MAPRE2: variants seen among roughly 807,000 people sequenced by gnomAD.
MAPRE2 encodes the protein microtubule-associated protein RP/EB family member 2.
Under a neutral mutation model 43.2 loss-of-function variants are expected in MAPRE2, and 13 were observed. The observed-to-expected ratio is 0.30, with a 90% CI of 0.20 to 0.48. MAPRE2 has a LOEUF of 0.48. Among genes scored for constraint, MAPRE2 ranks in the 20% least tolerant of loss-of-function variants. MAPRE2 has a pLI of 0.99. For synonymous variants in MAPRE2, 135 were observed against 148.8 expected (o/e 0.91, Z 0.68); for missense variants, 161 against 400.2 (o/e 0.40, Z 5.10).
intron 1 of MAPRE2, among the ~76,000 whole-genome samples, chr18:35,060,861 C>T (rs1448712935): frequency 6.6e-6 from 1 of 152,128 alleles, no homozygotes; most frequent in Non-Finnish European, 1.5e-5. Context: ...TTCAAGGTGA[C>T]TTACGGAATG....
upstream of MAPRE2, among the ~76,000 whole-genome samples, chr18:35,038,703 C>T (rs113875473): frequency 3.3e-4 from 50 of 152,336 alleles, no homozygotes; most frequent in African/African-American, 1.2e-3. Flanking sequence ...ATTTGCCCTC[C>T]CTTTTCCCTA....
At chr18:35,015,892 T>C (rs1156678864) in intron 2 of MAPRE2, among the ~76,000 whole-genome samples, 1 of 152,010 alleles carries the variant, frequency 6.6e-6, no homozygotes, top group African/African-American at 2.4e-5. Context: ...GTTTTGGGTA[T>C]AACTGATCCT....
rs115238025 is a variant in MAPRE2, at chr18:35,129,494, C to A, written c.750+2407C>A. On this transcript the variant is annotated intron_variant, in intron 5 of 6. Coordinates refer to ENST00000300249, the MANE Select transcript of MAPRE2 (RefSeq NM_014268.4). The stretch of plus-strand genomic sequence containing the variant: ...TCAGGCAATTTCCCATGATGCACTA[C>A]AGAAGTACCACTATGCTAGACCATT... Among the ~76,000 whole-genome samples, 1,323 of 152,294 alleles carry A rather than the reference C, an allele frequency of 8.7e-3. 18 individuals are homozygous for A. The highest frequency in any genetic ancestry group is 0.03 in the African/African-American group (1,261 of 41,544).
intron 2 of MAPRE2, among the ~76,000 whole-genome samples, chr18:35,094,767 A>G (rs749029883): frequency 2.0e-4 from 30 of 152,182 alleles, no homozygotes; most frequent in Non-Finnish European, 4.3e-4. Flanking sequence ...TGTCACAAGA[A>G]TAGGATGGCA....
rs554377407 is a variant in MAPRE2, at chr18:35,071,247, G to A, written c.250+925G>A. ...AACGTGCTGCTAGGCCAGGTGTGGT[G>A]ACTTACGCCTGTAATCCTAGCACTT... On this transcript the variant is annotated intron_variant, in intron 2 of 6. Coordinates refer to ENST00000300249, the MANE Select transcript of MAPRE2 (RefSeq NM_014268.4). Among the ~76,000 whole-genome samples, 4 of 152,254 alleles carry A rather than the reference G, an allele frequency of 2.6e-5. No individual in the cohort carries two copies. The South Asian group carries it at 6.2e-4, about 24-fold the overall frequency.
intron 2 of MAPRE2, among the ~76,000 whole-genome samples, chr18:35,093,410 G>C (rs191054006): frequency 6.6e-6 from 1 of 151,952 alleles, no homozygotes; most frequent in African/African-American, 2.4e-5. Flanking sequence ...GCAATCCCAC[G>C]ACTGGATATA....
intron 6 of MAPRE2, among the ~76,000 whole-genome samples, chr18:35,139,567 A>G (rs952062147): frequency 2.0e-5 from 3 of 152,224 alleles, no homozygotes; most frequent in Non-Finnish European, 2.9e-5. Context: ...GTTGATAAAC[A>G]TAACGTAAGC....
At chr18:35,041,359 C>G (rs922513411), upstream of MAPRE2, 2 of 1,448,968 alleles carry the variant, frequency 1.4e-6, no homozygotes, top group East Asian at 2.5e-5. Context: ...GGCGCTCTGA[C>G]GTCAGCTGCC....
At chr18:34,998,827 CA>C (rs1197597112) in intron 1 of MAPRE2, among the ~76,000 whole-genome samples, 2 of 135,430 alleles carry the variant, frequency 1.5e-5, no homozygotes, top group Non-Finnish European at 3.0e-5. Flanking sequence ...CGGACTTGGC[CA>C]AAAATGTTAA....
chr18:35,045,224 C>T (rs1440347888), intron 1 of MAPRE2, among the ~76,000 whole-genome samples: 1 of 152,196 alleles, frequency 6.6e-6, no homozygotes, highest in Non-Finnish European at 1.5e-5. Context: ...ATTCACAGAG[C>T]GAATGAGTCG....
At chr18:35,091,689 C>T (rs1908156839) in intron 2 of MAPRE2, among the ~76,000 whole-genome samples, 1 of 151,336 alleles carries the variant, frequency 6.6e-6, no homozygotes, top group Non-Finnish European at 1.5e-5. Context: ...GCCTCCTTGG[C>T]AATGAGTGGG....
At chr18:35,018,532 T>A (rs2097039917) in intron 2 of MAPRE2, among the ~76,000 whole-genome samples, 1 of 151,670 alleles carries the variant, frequency 6.6e-6, no homozygotes. Context: ...AGGGTTTCGA[T>A]TTCTTCCTGA....
At chr18:35,000,261 G>A (rs1010639688) in intron 1 of MAPRE2, among the ~76,000 whole-genome samples, 1 of 152,206 alleles carries the variant, frequency 6.6e-6, no homozygotes, top group Non-Finnish European at 1.5e-5. Context: ...CAGCTGGGGA[G>A]GTAGTAATGC....
At chr18:35,117,474 C>A (rs1312631908) in intron 4 of MAPRE2, among the ~76,000 whole-genome samples, 2 of 152,208 alleles carry the variant, frequency 1.3e-5, no homozygotes, top group African/African-American at 4.8e-5. Context: ...ACTTACGTTC[C>A]CCCAAAATGA....
Position 35,101,928 on chromosome 18 carries a change from A to G in MAPRE2, c.397-18A>G. ...CAAACGTGAGGTTTGTAACTCACATAGTGATTTTTTATTGCAGGTAATTCC... is the reference window on the plus strand; with the variant it reads ...CAAACGTGAGGTTTGTAACTCACATGGTGATTTTTTATTGCAGGTAATTCC... On this transcript the variant is annotated intron_variant, in intron 3 of 6. Coordinates refer to ENST00000300249, the MANE Select transcript of MAPRE2 (RefSeq NM_014268.4). 6.4e-7 allele frequency: 1 copy of G among 1,567,946 alleles called. No individual in the cohort carries two copies. Among genetic ancestry groups the G allele is most frequent in the Non-Finnish European group, 8.7e-7 (1 of 1,153,258 alleles).
At chr18:35,022,035 C>CA (rs2097042246) in intron 2 of MAPRE2, among the ~76,000 whole-genome samples, 1 of 152,098 alleles carries the variant, frequency 6.6e-6, no homozygotes, top group African/African-American at 2.4e-5. Context: ...GCAGTGGAAC[C>CA]ATGCTTTCAA....
At chr18:34,981,978 A>G (rs1344384827) in intron 1 of MAPRE2, among the ~76,000 whole-genome samples, 17 of 147,130 alleles carry the variant, frequency 1.2e-4, no homozygotes, top group Admixed American at 2.1e-4. Flanking sequence ...TCTGCCTCCC[A>G]GGTTCACTCT....
chr18:34,980,302 GGAGT>G (rs1371590788), intron 1 of MAPRE2, among the ~76,000 whole-genome samples: 1 of 152,086 alleles, frequency 6.6e-6, no homozygotes, highest in Non-Finnish European at 1.5e-5. Flanking sequence ...TGGGATTACA[GGAGT>G]GAGCCACCAC....
intron 4 of MAPRE2, among the ~76,000 whole-genome samples, chr18:35,123,029 C>T (rs945462060): frequency 3.3e-5 from 5 of 152,230 alleles, no homozygotes; most frequent in African/African-American, 1.2e-4. Flanking sequence ...GCCCTCCCTC[C>T]CTGCCGTGAG....
Sources: allele counts gnomAD v4.1 joint callset (sites outside exome capture counted in the v4.1 genomes callset), GRCh38; gene constraint gnomAD v4.1.1; transcripts MANE v1.5; gene names NCBI Gene and HGNC (gene_info 2026-07-23, HGNC 2026-07-21).